The following MYOM1 variants were observed in gnomAD, a reference collection of about 807,000 sequenced individuals.
The protein encoded by MYOM1 is myomesin 1, also known as myomesin-1.
Under a neutral mutation model 205.3 loss-of-function variants are expected in MYOM1, and 164 were observed. That is an observed-to-expected ratio of 0.80 (90% CI 0.70 to 0.91). The LOEUF (loss-of-function observed/expected upper bound fraction) is 0.91, where lower values mean the gene tolerates loss of function less well. Among genes scored for constraint, MYOM1 ranks in the 40% least tolerant of loss-of-function variants. MYOM1 has a pLI of 0.00. For missense variants in MYOM1, 2,011 were observed against 2,127.3 expected (o/e 0.95, Z 1.08); for synonymous variants, 772 against 789.4 (o/e 0.98, Z 0.37).
chr18:3,126,950 T>C (rs2079796345), intron 18 of MYOM1, 53 bp from the exon 19 acceptor site: 4 of 1,482,762 alleles, frequency 2.7e-6, no homozygotes, highest in South Asian at 1.2e-5. Context: ...TATGATTCTA[T>C]ATATAAACAT....
Position 3,129,297 on chromosome 18 carries a change from G to T in MYOM1, c.2729C>A (p.Pro910Gln). ...SETVQEELTP[P>Q]PQKAAPQGKS... is the part of the protein sequence containing the mutation. ...CCCCTGAGGAGCCGCTTTCTGTGGT[G>T]GCGGGGTAAGCTCTTCCTGAACTGT... Residue 910 changes from proline to glutamine, a missense_variant, in exon 18 of 38, where the codon CCA becomes CAA. By Grantham distance (76) the Pro-to-Gln change is moderately conservative. Transcript: ENST00000356443. 6.2e-7 allele frequency: 1 copy of T among 1,613,970 alleles called. No individual in the cohort carries two copies. The highest frequency in any genetic ancestry group is 8.5e-7 in the Non-Finnish European group (1 of 1,179,868).
At chr18:3,201,354 G>A (rs1037085978) in intron 2 of MYOM1, among the ~76,000 whole-genome samples, 3 of 151,718 alleles carry the variant, frequency 2.0e-5, no homozygotes, top group Admixed American at 6.6e-5. Context: ...AGCCAAGATC[G>A]TGCCACACTG....
intron 10 of MYOM1, among the ~76,000 whole-genome samples, chr18:3,158,268 T>C (rs1434020173): frequency 2.6e-5 from 4 of 152,200 alleles, no homozygotes; most frequent in Non-Finnish European, 5.9e-5. Context: ...TCCATATCAA[T>C]ACATGTGGGT....
chr18:3,100,678 G>A (rs1042414343), intron 23 of MYOM1, among the ~76,000 whole-genome samples: 1 of 152,178 alleles, frequency 6.6e-6, no homozygotes, highest in African/African-American at 2.4e-5. Context: ...ACATGCCCAA[G>A]CTATGTTGCT....
At chr18:3,231,411 G>T in the MYOM1 span, among the ~76,000 whole-genome samples, 1 of 152,090 alleles carries the variant, frequency 6.6e-6, no homozygotes, top group Admixed American at 6.6e-5. Flanking sequence ...AGAAGCAGAG[G>T]TGCAACTGGA....
chr18:3,132,139 T>C (rs1382416035), intron 16 of MYOM1, among the ~76,000 whole-genome samples: 1 of 146,792 alleles, frequency 6.8e-6, no homozygotes, highest in Non-Finnish European at 1.5e-5. Context: ...TATATATGAG[T>C]TATACTCTAA....
chr18:3,201,384 G>C (rs1007119670), intron 2 of MYOM1, among the ~76,000 whole-genome samples: 5 of 151,278 alleles, frequency 3.3e-5, no homozygotes, highest in African/African-American at 1.2e-4. Context: ...CCTGGCGACA[G>C]AGTGAGACTC....
intron 21 of MYOM1, among the ~76,000 whole-genome samples, chr18:3,113,511 T>C (rs1192576255): frequency 1.3e-5 from 2 of 151,210 alleles, no homozygotes; most frequent in Non-Finnish European, 3.0e-5. Flanking sequence ...AACAATTTTT[T>C]TTATAGATAC....
chr18:3,161,515 G>C (rs540640357), intron 10 of MYOM1, among the ~76,000 whole-genome samples: 1 of 152,192 alleles, frequency 6.6e-6, no homozygotes, highest in African/African-American at 2.4e-5. Flanking sequence ...GAAGTGATGA[G>C]GGCAATTCGG....
intron 10 of MYOM1, among the ~76,000 whole-genome samples, chr18:3,155,426 G>C (rs11875416): frequency 2.1e-4 from 32 of 152,144 alleles, no homozygotes; most frequent in Admixed American, 3.9e-4. Context: ...GGGTTTCACC[G>C]TGTTAGCCAG....
intron 34 of MYOM1, among the ~76,000 whole-genome samples, chr18:3,078,072 C>T (rs1374530715): frequency 1.3e-5 from 2 of 151,068 alleles, no homozygotes; most frequent in African/African-American, 4.9e-5. Flanking sequence ...GACAGAGTCT[C>T]GCTCTGTAGC....
At chr18:3,120,545 G>A (rs964903488) in intron 19 of MYOM1, among the ~76,000 whole-genome samples, 7 of 152,100 alleles carry the variant, frequency 4.6e-5, no homozygotes, top group Non-Finnish European at 8.8e-5. Flanking sequence ...CATGAATGTG[G>A]CCCAGCTGAT....
At chr18:3,211,017 G>A (rs370587718) in intron 2 of MYOM1, among the ~76,000 whole-genome samples, 1 of 152,164 alleles carries the variant, frequency 6.6e-6, no homozygotes, top group African/African-American at 2.4e-5. Flanking sequence ...ACAACTAAAT[G>A]TCTACTGTCA....
chr18:3,163,598 G>A (rs1348435154), intron 10 of MYOM1, among the ~76,000 whole-genome samples: 3 of 151,908 alleles, frequency 2.0e-5, no homozygotes, highest in South Asian at 4.2e-4. Context: ...GACTACAAGC[G>A]CGCACCACCA....
chr18:3,186,780 A>G (rs1410247952), intron 5 of MYOM1, among the ~76,000 whole-genome samples: 1 of 134,468 alleles, frequency 7.4e-6, no homozygotes, highest in Non-Finnish European at 1.6e-5. Flanking sequence ...GAAGGAAGGA[A>G]GGAGAGAGAG....
chr18:3,244,877 C>T, the MYOM1 span, among the ~76,000 whole-genome samples: 3 of 148,204 alleles, frequency 2.0e-5, no homozygotes, highest in East Asian at 2.0e-4. Context: ...CCAGCCTGGG[C>T]GACAGAGTGA....
At chr18:3,171,252 A>G (rs2080552445) in intron 8 of MYOM1, among the ~76,000 whole-genome samples, 1 of 152,136 alleles carries the variant, frequency 6.6e-6, no homozygotes, top group Non-Finnish European at 1.5e-5. Flanking sequence ...CACATCTCCC[A>G]TCTGCCTCAC....
At chr18:3,236,772 T>C in the MYOM1 span, among the ~76,000 whole-genome samples, 1 of 152,176 alleles carries the variant, frequency 6.6e-6, no homozygotes, top group East Asian at 1.9e-4. Flanking sequence ...TTTAAAGCTA[T>C]GAGAGTGGAT....
chr18:3,237,426 C>G, the MYOM1 span, among the ~76,000 whole-genome samples: 1 of 151,706 alleles, frequency 6.6e-6, no homozygotes, highest in African/African-American at 2.4e-5. Flanking sequence ...AGGTGAAACC[C>G]AGTCTCTACT....
Sources: allele counts gnomAD v4.1 joint callset (sites outside exome capture counted in the v4.1 genomes callset), GRCh38; gene constraint gnomAD v4.1.1; transcripts MANE v1.5; gene names NCBI Gene and HGNC (gene_info 2026-07-23, HGNC 2026-07-21).